Variants in ADGRB3 observed in about 807,000 individuals in gnomAD.
ADGRB3 encodes the protein adhesion G protein-coupled receptor B3.
Under a neutral mutation model 193.4 loss-of-function variants are expected in ADGRB3, and 37 were observed. The observed-to-expected ratio is 0.19, with a 90% CI of 0.15 to 0.25. The LOEUF (loss-of-function observed/expected upper bound fraction) is 0.25. ADGRB3 is among the 10% of genes least tolerant of loss of function. The pLI, the probability that ADGRB3 is intolerant of heterozygous loss-of-function variation, is 1.00. For synonymous variants in ADGRB3, 690 were observed against 644.2 expected (o/e 1.07, Z -1.08); for missense variants, 1,637 against 1,852.9 (o/e 0.88, Z 2.14).
In ADGRB3 at chr6:68,892,525, A is replaced by G. The variant is rs149867946; in HGVS notation, c.758-38034A>G. ...ACTCAACACTCAATTTATTTCCTTT[A>G]TGGTATAGATCATAATTTCTATTTA... is the stretch of plus-strand genomic sequence containing the variant. On this transcript the variant is annotated intron_variant, in intron 3 of 31. Coordinates refer to ENST00000370598, the MANE Select transcript of ADGRB3 (RefSeq NM_001704.3). Among the ~76,000 whole-genome samples, 6 of 152,158 alleles carry G rather than the reference A, an allele frequency of 3.9e-5. No homozygotes were observed. The East Asian group carries it at 9.7e-4, about 25-fold the overall frequency.
At chr6:68,992,341 G>A (rs547550701) in intron 10 of ADGRB3, among the ~76,000 whole-genome samples, 52 of 152,154 alleles carry the variant, frequency 3.4e-4, no homozygotes, top group Admixed American at 1.0e-3. Flanking sequence ...CAGCACTGGA[G>A]TTCAGCCTGG....
chr6:69,339,975 G>A (rs1003037979), intron 26 of ADGRB3, among the ~76,000 whole-genome samples: 1 of 152,174 alleles, frequency 6.6e-6, no homozygotes, highest in African/African-American at 2.4e-5. Flanking sequence ...AAGCATTGAA[G>A]ATGAATGCTT....
chr6:69,186,934 T>A (rs1203030015), intron 17 of ADGRB3, among the ~76,000 whole-genome samples: 1 of 143,194 alleles, frequency 7.0e-6, no homozygotes, highest in Non-Finnish European at 1.5e-5. Flanking sequence ...AGGTTTTTTT[T>A]TTGTTTTTTG....
intron 17 of ADGRB3, among the ~76,000 whole-genome samples, chr6:69,198,414 AG>A (rs1765344318): frequency 6.6e-6 from 1 of 152,132 alleles, no homozygotes; most frequent in Admixed American, 6.6e-5. Context: ...CTATTAGTTA[AG>A]ATAACTAGTC....
chr6:68,655,658 A>G (rs1768474573), intron 3 of ADGRB3, among the ~76,000 whole-genome samples: 1 of 151,694 alleles, frequency 6.6e-6, no homozygotes, highest in Non-Finnish European at 1.5e-5. Context: ...TTCTAAGTTA[A>G]GACATGTCTA....
chr6:69,280,795 C>T (rs544943987), intron 20 of ADGRB3, among the ~76,000 whole-genome samples: 1 of 152,202 alleles, frequency 6.6e-6, no homozygotes, highest in East Asian at 1.9e-4. Flanking sequence ...AAACAGTAAA[C>T]ACCTCAGGCA....
chr6:69,247,649 G>A (rs1364431940), intron 20 of ADGRB3, among the ~76,000 whole-genome samples: 1 of 152,108 alleles, frequency 6.6e-6, no homozygotes, highest in East Asian at 1.9e-4. Context: ...TATTCTATAA[G>A]TTATCAATTC....
At chr6:68,954,683 CTTT>C (rs146229021) in intron 6 of ADGRB3, among the ~76,000 whole-genome samples, 4 of 140,684 alleles carry the variant, frequency 2.8e-5, no homozygotes, top group African/African-American at 1.0e-4. Context: ...CGTTCAATGG[CTTT>C]TTTTTTTTTT....
Position 68,636,338 on chromosome 6 carries a change from T to A in ADGRB3, c.-188+338T>A, listed in dbSNP as rs143019949. On this transcript the variant is annotated intron_variant, in intron 1 of 31. Coordinates refer to ENST00000370598, the MANE Select transcript of ADGRB3 (RefSeq NM_001704.3). ...GTGGGTCTTCTATTGGGGGGAAAAA[T>A]CTGTGGAGTGATGGCGCCGTCTATG... is the stretch of plus-strand genomic sequence containing the variant. 1.9e-3 allele frequency among the ~76,000 whole-genome samples: 289 copies of A among 151,782 alleles called. 3 individuals carry two copies. Among genetic ancestry groups the A allele is most frequent in the African/African-American group, 6.8e-3 (279 of 41,310 alleles).
In ADGRB3 at chr6:69,388,896, A is replaced by T. The variant is rs761920954; in HGVS notation, c.*5A>T. ...GACTTTCAAACAGAAGTTTAAAAAAATCAAAATGGACTAAGGTAGAGACAA... is the reference window on the plus strand; with the variant it reads ...GACTTTCAAACAGAAGTTTAAAAAATTCAAAATGGACTAAGGTAGAGACAA... On this transcript the variant is annotated 3_prime_UTR_variant, in exon 32 of 32. Transcript: ENST00000370598. The T allele has an allele frequency of 5.0e-6, 8 of 1,609,018 alleles. No individual in the cohort carries two copies. The Admixed American group carries it at 1.4e-4, about 27-fold the overall frequency.
At chr6:69,155,459 C>A (rs1481227026) in intron 17 of ADGRB3, among the ~76,000 whole-genome samples, 1 of 152,106 alleles carries the variant, frequency 6.6e-6, no homozygotes, top group Non-Finnish European at 1.5e-5. Context: ...CAACATTATG[C>A]CATCATGTAC....
chr6:69,062,797 T>G, intron 15 of ADGRB3, 137 bp from the exon 16 acceptor site: 1 of 623,884 alleles, frequency 1.6e-6, no homozygotes, highest in Non-Finnish European at 2.7e-6. Flanking sequence ...AAAATGTGTC[T>G]TTCCATGAAT....
chr6:69,324,764 A>G (rs1768532564), intron 20 of ADGRB3, 108 bp from the exon 21 acceptor site: 1 of 1,228,372 alleles, frequency 8.1e-7, no homozygotes, highest in Non-Finnish European at 1.1e-6. Context: ...GGAGAAGTAG[A>G]TATTTGAAAT....
At chr6:69,050,043 G>A (rs149636860) in intron 15 of ADGRB3, among the ~76,000 whole-genome samples, 9 of 152,232 alleles carry the variant, frequency 5.9e-5, no homozygotes, top group East Asian at 5.8e-4. Flanking sequence ...ACATCACCTC[G>A]TTTTGGAAGA....
chr6:68,801,236 C>A (rs1273671390), intron 3 of ADGRB3, among the ~76,000 whole-genome samples: 1 of 152,176 alleles, frequency 6.6e-6, no homozygotes, highest in Admixed American at 6.5e-5. Flanking sequence ...AGAAATGTTT[C>A]TCTTTCCTAC....
At chr6:68,918,962 A>G (rs1448828341) in intron 3 of ADGRB3, among the ~76,000 whole-genome samples, 2 of 152,116 alleles carry the variant, frequency 1.3e-5, no homozygotes, top group Admixed American at 6.5e-5. Flanking sequence ...TCCTTCCACA[A>G]TGAATTTTTC....
chr6:68,680,476 G>A (rs188444590), intron 3 of ADGRB3, among the ~76,000 whole-genome samples: 3 of 152,172 alleles, frequency 2.0e-5, no homozygotes, highest in South Asian at 2.1e-4. Context: ...CTTTGGTAAC[G>A]GCCTTTAGAG....
chr6:69,144,166 A>G (rs1774418026), intron 17 of ADGRB3, among the ~76,000 whole-genome samples: 1 of 152,156 alleles, frequency 6.6e-6, no homozygotes, highest in African/African-American at 2.4e-5. Context: ...TAGCTATTGT[A>G]AGTGAAATTA....
At chr6:68,924,466 G>A (rs1483944696) in intron 3 of ADGRB3, among the ~76,000 whole-genome samples, 1 of 151,996 alleles carries the variant, frequency 6.6e-6, no homozygotes, top group East Asian at 1.9e-4. Flanking sequence ...TTGGAGTAAT[G>A]TTAAATAAAT....
Sources: gnomAD v4.1 joint callset for allele counts (sites outside exome capture counted in the v4.1 genomes callset) on GRCh38, gnomAD v4.1.1 for gene constraint, MANE v1.5 for transcripts, NCBI Gene and HGNC (gene_info 2026-07-23, HGNC 2026-07-21) for gene names.